The following LRP1B variants were observed in gnomAD, a reference collection of about 807,000 sequenced individuals.
LRP1B encodes the protein LDL receptor related protein 1B.
A neutral mutation model predicts 556.6 loss-of-function variants in LRP1B; 217 were observed. The observed-to-expected ratio is 0.39, with a 90% CI of 0.35 to 0.44. The LOEUF is 0.44. LRP1B is among the 20% of genes least tolerant of loss of function. LRP1B has a pLI of 1.00. For synonymous variants in LRP1B, 2,047 were observed against 1,865.8 expected (o/e 1.10, Z -2.50); for missense variants, 5,053 against 5,620.8 (o/e 0.90, Z 3.23).
At chr2:140,383,645 C>T (rs1683634956) in intron 67 of LRP1B, among the ~76,000 whole-genome samples, 1 of 152,084 alleles carries the variant, frequency 6.6e-6, no homozygotes, top group Non-Finnish European at 1.5e-5. Context: ...CCCTAACATA[C>T]TCTGACATTC....
chr2:142,119,422 A>G (rs1222923022), intron 1 of LRP1B, among the ~76,000 whole-genome samples: 1 of 152,186 alleles, frequency 6.6e-6, no homozygotes, highest in Admixed American at 6.5e-5. Flanking sequence ...CCTAAAAACA[A>G]ACTGAGTGAG....
At chr2:141,482,717 A>G (rs1682968177) in intron 2 of LRP1B, among the ~76,000 whole-genome samples, 1 of 152,180 alleles carries the variant, frequency 6.6e-6, no homozygotes, top group Non-Finnish European at 1.5e-5. Context: ...CAACATCATA[A>G]AGTAGCTTTT....
chr2:141,477,142 A>G (rs903351946), intron 3 of LRP1B, among the ~76,000 whole-genome samples: 30 of 86,516 alleles, frequency 3.5e-4, no homozygotes, highest in Admixed American at 8.6e-4. Context: ...ACAAACAAAC[A>G]AAAAAAACCC....
chr2:141,058,821 CAAG>C, intron 9 of LRP1B, 59 bp downstream of exon 9: 1 of 1,375,854 alleles, frequency 7.3e-7, no homozygotes, highest in Non-Finnish European at 9.7e-7. Context: ...TACAAAAGCA[CAAG>C]GACTATATCC....
chr2:141,689,966 C>A (rs1021092915), intron 2 of LRP1B, among the ~76,000 whole-genome samples: 1 of 151,752 alleles, frequency 6.6e-6, no homozygotes, highest in South Asian at 2.1e-4. Flanking sequence ...GCATTATCTA[C>A]TCTTGTAAAT....
At chr2:140,982,378 GTTTCTC>G in intron 17 of LRP1B, 102 bp from the exon 18 acceptor site, 1 of 682,614 alleles carries the variant, frequency 1.5e-6, no homozygotes, top group South Asian at 1.9e-5. Flanking sequence ...AAGATAGTAT[GTTTCTC>G]TATTAAAATA....
At chr2:140,942,871 T>C (rs1366969600) in intron 20 of LRP1B, among the ~76,000 whole-genome samples, 2 of 152,056 alleles carry the variant, frequency 1.3e-5, no homozygotes, top group Non-Finnish European at 2.9e-5. Flanking sequence ...AGCAACTACA[T>C]AATCAAGAGT....
At chr2:141,300,014 G>A (rs1686326976) in intron 3 of LRP1B, among the ~76,000 whole-genome samples, 1 of 152,110 alleles carries the variant, frequency 6.6e-6, no homozygotes, top group African/African-American at 2.4e-5. Flanking sequence ...CCCATAAATG[G>A]GATTAATTCC....
intron 3 of LRP1B, among the ~76,000 whole-genome samples, chr2:141,327,488 TC>T (rs1687468728): frequency 6.6e-6 from 1 of 152,172 alleles, no homozygotes; most frequent in South Asian, 2.1e-4. Flanking sequence ...TAATAAATTT[TC>T]CAAGAACACA....
At chr2:141,331,697 G>C (rs1216110646) in intron 3 of LRP1B, among the ~76,000 whole-genome samples, 2 of 152,066 alleles carry the variant, frequency 1.3e-5, no homozygotes. Flanking sequence ...CTCCAGGGAG[G>C]ATAGGGAGCA....
At chr2:141,414,333 AAGAG>A (rs145307690) in intron 3 of LRP1B, among the ~76,000 whole-genome samples, 15 of 144,856 alleles carry the variant, frequency 1.0e-4, no homozygotes, top group East Asian at 4.3e-4. Flanking sequence ...TAAAGAGAGA[AAGAG>A]AGAGAGAGAG....
intron 2 of LRP1B, among the ~76,000 whole-genome samples, chr2:141,700,620 A>G (rs79958908): frequency 0.016 from 2,370 of 151,852 alleles, 67 homozygotes; most frequent in African/African-American, 0.054. Flanking sequence ...GCTATTTCTC[A>G]GTGCCATTCT....
intron 23 of LRP1B, among the ~76,000 whole-genome samples, chr2:140,901,082 T>C (rs1333978188): frequency 1.3e-5 from 2 of 152,080 alleles, no homozygotes; most frequent in African/African-American, 4.8e-5. Context: ...GTTATAGTAG[T>C]AGTATATTTA....
chr2:140,971,060 G>A (rs1208178249), intron 18 of LRP1B, among the ~76,000 whole-genome samples: 2 of 152,030 alleles, frequency 1.3e-5, no homozygotes, highest in African/African-American at 4.8e-5. Flanking sequence ...ATGATTGGTC[G>A]CTTATTGAAA....
At chr2:141,493,769 T>C (rs6713043) in intron 2 of LRP1B, among the ~76,000 whole-genome samples, 148,332 of 152,262 alleles carry the variant, frequency 0.97, 72,364 homozygotes, top group East Asian at 1. Context: ...TATGGCTGTA[T>C]CATGAACACC....
intron 87 of LRP1B, among the ~76,000 whole-genome samples, chr2:140,242,668 G>A (rs1279472634): frequency 6.6e-6 from 1 of 151,026 alleles, no homozygotes; most frequent in Non-Finnish European, 1.5e-5. Flanking sequence ...ACTAGATCTG[G>A]GGTGGAAGGA....
intron 1 of LRP1B, among the ~76,000 whole-genome samples, chr2:142,122,597 C>T (rs544873491): frequency 2.2e-4 from 33 of 151,996 alleles, no homozygotes; most frequent in African/African-American, 7.2e-4. Flanking sequence ...AGCAAGAGTG[C>T]CTGAATTCTG....
At chr2:141,121,460 C>T (rs1176471876) in intron 7 of LRP1B, among the ~76,000 whole-genome samples, 1 of 150,660 alleles carries the variant, frequency 6.6e-6, no homozygotes, top group Non-Finnish European at 1.5e-5. Context: ...CAATAACAGA[C>T]AAACAGAGAG....
At chr2:141,284,838 C>A (rs1685644178) in intron 3 of LRP1B, among the ~76,000 whole-genome samples, 1 of 152,156 alleles carries the variant, frequency 6.6e-6, no homozygotes, top group Non-Finnish European at 1.5e-5. Flanking sequence ...TGTGCCAGTA[C>A]CACACTTTTA....
Sources: allele counts gnomAD v4.1 joint callset (sites outside exome capture counted in the v4.1 genomes callset), GRCh38; gene constraint gnomAD v4.1.1; transcripts MANE v1.5; gene names NCBI Gene and HGNC (gene_info 2026-07-23, HGNC 2026-07-21).